Variants in ALG9 observed in about 807,000 individuals in gnomAD.
ALG9 encodes ALG9 alpha-1,2-mannosyltransferase.
In ALG9, 55 loss-of-function variants were observed where a neutral mutation model predicts 81.8. That is an observed-to-expected ratio of 0.67 (90% CI 0.54 to 0.84). ALG9 has a LOEUF of 0.84. Ranked by LOEUF, ALG9 falls within the 40% of genes least tolerant of loss-of-function variation. The pLI is 0.00. For missense variants in ALG9, 629 were observed against 745.0 expected (o/e 0.84, Z 1.81); for synonymous variants, 278 against 274.3 (o/e 1.01, Z -0.13).
intron 9 of ALG9, 48 bp from the exon 10 acceptor site, chr11:111,840,857 C>T: frequency 6.2e-7 from 1 of 1,605,848 alleles, no homozygotes. Flanking sequence ...TAGAACAAAA[C>T]AACATATTTA....
chr11:111,834,284 C>T (rs1435040947), intron 13 of ALG9, among the ~76,000 whole-genome samples: 1 of 152,094 alleles, frequency 6.6e-6, no homozygotes, highest in Non-Finnish European at 1.5e-5. Context: ...GTAGTTCAGG[C>T]ATAGTCACCA....
intron 13 of ALG9, among the ~76,000 whole-genome samples, chr11:111,812,418 T>C (rs11214009): frequency 0.27 from 40,383 of 152,050 alleles, 5,593 homozygotes; most frequent in Admixed American, 0.34. Flanking sequence ...AATTTAAAAA[T>C]TAGCCGGGCA....
chr11:111,849,325 A>C (rs1312592914), intron 8 of ALG9: 1 of 152,274 alleles, frequency 6.6e-6, no homozygotes, highest in African/African-American at 2.4e-5. Context: ...TGCTGGGATT[A>C]CAGGCGTGAG....
At chr11:111,840,505 A>G in intron 10 of ALG9, 150 bp downstream of exon 10, 1 of 893,576 alleles carries the variant, frequency 1.1e-6, no homozygotes, top group Non-Finnish European at 1.8e-6. Context: ...AATCAATATA[A>G]GAAGGTTTAA....
chr11:111,778,358 GTCAT>G (rs782702780), downstream of ALG9: 1 of 152,156 alleles, frequency 6.6e-6, no homozygotes, highest in Non-Finnish European at 1.5e-5. Flanking sequence ...CAGATGAGTT[GTCAT>G]TCAGTGTACT....
At chr11:111,862,239 C>CTTTTTTTTTTTTTTTT in intron 4 of ALG9, among the ~76,000 whole-genome samples, 1 of 131,388 alleles carries the variant, frequency 7.6e-6, no homozygotes, top group Non-Finnish European at 1.6e-5. Flanking sequence ...TCTTTTTTTT[C>CTTTTTTTTTTTTTTTT]TTTTTTTTTT....
At chr11:111,838,526 C>T in intron 10 of ALG9, 127 bp from the exon 11 acceptor site, 1 of 809,046 alleles carries the variant, frequency 1.2e-6, no homozygotes, top group Admixed American at 2.7e-5. Flanking sequence ...GGTACCTACT[C>T]CAAACTCTAA....
At chr11:111,793,692 C>T (rs1011841262) in intron 14 of ALG9, among the ~76,000 whole-genome samples, 1 of 145,322 alleles carries the variant, frequency 6.9e-6, no homozygotes, top group Non-Finnish European at 1.5e-5. Context: ...ACCCGGGAGG[C>T]GGAGCTTGCA....
At chr11:111,832,353 T>C (rs1555113939) in intron 13 of ALG9, among the ~76,000 whole-genome samples, 1 of 152,210 alleles carries the variant, frequency 6.6e-6, no homozygotes, top group South Asian at 2.1e-4. Context: ...TGTAGCTCAC[T>C]GTAGCCTCAA....
intron 13 of ALG9, among the ~76,000 whole-genome samples, chr11:111,819,829 ACCTGGTG>A (rs1952044855): frequency 6.6e-6 from 1 of 152,110 alleles, no homozygotes; most frequent in South Asian, 2.1e-4. Flanking sequence ...AGCACAATAC[ACCTGGTG>A]CCTGGTACAG....
At chr11:111,781,006 A>G (rs1320442595), downstream of ALG9, among the ~76,000 whole-genome samples, 1 of 152,244 alleles carries the variant, frequency 6.6e-6, no homozygotes, top group African/African-American at 2.4e-5. Flanking sequence ...TCTGAAGTCT[A>G]GAAAGCCTTC....
intron 8 of ALG9, among the ~76,000 whole-genome samples, chr11:111,851,477 C>CAAAAAAAA (rs11343980): frequency 9.5e-6 from 1 of 105,080 alleles, no homozygotes; most frequent in Non-Finnish European, 2.0e-5. Context: ...AACTCCATCT[C>CAAAAAAAA]AAAAAAAAAA....
At chr11:111,864,411 C>T in intron 4 of ALG9, 1 of 764,738 alleles carries the variant, frequency 1.3e-6, no homozygotes, top group East Asian at 2.5e-5. Context: ...ACTAGAGTAT[C>T]TTCAAGTACA....
Position 111,871,498 on chromosome 11 carries a change from A to T in ALG9, c.-16T>A. The T allele has an allele frequency of 6.5e-7, 1 of 1,536,244 alleles. No homozygotes were observed. ...GACTAGCCATGGCAAGCCTGGGGAA[A>T]AAAGAATTCGGCACCCTATGAAGTC... On this transcript the variant is annotated 5_prime_UTR_variant, in exon 1 of 15. Transcript: ENST00000616540.
chr11:111,814,515 T>A (rs982699954), intron 13 of ALG9: 6 of 152,298 alleles, frequency 3.9e-5, no homozygotes, highest in African/African-American at 1.4e-4. Flanking sequence ...ACAAATACTT[T>A]ACACACATTT....
chr11:111,807,378 T>G (rs1950077885), intron 14 of ALG9, among the ~76,000 whole-genome samples: 1 of 152,164 alleles, frequency 6.6e-6, no homozygotes, highest in South Asian at 2.1e-4. Context: ...TTCCCTCAGA[T>G]GTCCACATGG....
chr11:111,852,920 C>CAGGAGTCT (rs1246464103), intron 8 of ALG9, among the ~76,000 whole-genome samples: 1 of 131,364 alleles, frequency 7.6e-6, no homozygotes, highest in African/African-American at 3.0e-5. Context: ...CCAGCCTGGG[C>CAGGAGTCT]AACAAGAGTC....
intron 13 of ALG9, chr11:111,817,066 G>C (rs1555098138): frequency 6.6e-6 from 1 of 152,218 alleles, no homozygotes; most frequent in South Asian, 2.1e-4. Flanking sequence ...ACAGGGGGAA[G>C]AGGAAGAATA....
intron 8 of ALG9, among the ~76,000 whole-genome samples, chr11:111,846,110 G>A (rs970702404): frequency 2.0e-5 from 3 of 152,320 alleles, no homozygotes; most frequent in Middle Eastern, 3.4e-3. Context: ...AATCAAAAAT[G>A]TCTTTTCTGA....
Sources: allele counts gnomAD v4.1 joint callset (sites outside exome capture counted in the v4.1 genomes callset), GRCh38; gene constraint gnomAD v4.1.1; transcripts MANE v1.5; gene names NCBI Gene and HGNC (gene_info 2026-07-23, HGNC 2026-07-21).